UTRN: variants seen among roughly 807,000 people sequenced by gnomAD.
UTRN encodes the protein utrophin.
In UTRN, 283 loss-of-function variants were observed where a neutral mutation model predicts 463.9. That is an observed-to-expected ratio of 0.61 (90% CI 0.55 to 0.67). The LOEUF (loss-of-function observed/expected upper bound fraction) is 0.67, where lower values mean the gene tolerates loss of function less well. Ranked by LOEUF, UTRN falls within the 30% of genes least tolerant of loss-of-function variation. The pLI is 0.00. For missense variants in UTRN, 3,922 were observed against 4,084.3 expected (o/e 0.96, Z 1.08); for synonymous variants, 1,442 against 1,431.5 (o/e 1.01, Z -0.17).
At chr6:144,480,024 C>A in intron 26 of UTRN, 42 bp downstream of exon 26, 1 of 1,588,030 alleles carries the variant, frequency 6.3e-7, no homozygotes, top group Non-Finnish European at 8.6e-7. Context: ...TCATGCCTCC[C>A]TCCTCCCTTT....
intron 2 of UTRN, among the ~76,000 whole-genome samples, chr6:144,336,739 T>C (rs1016309867): frequency 6.6e-6 from 1 of 152,102 alleles, no homozygotes; most frequent in African/African-American, 2.4e-5. Context: ...AAAGTAATAT[T>C]TTAAAATTCC....
At chr6:144,472,872 A>G (rs994363629) in intron 23 of UTRN, among the ~76,000 whole-genome samples, 2 of 150,486 alleles carry the variant, frequency 1.3e-5, no homozygotes, top group Non-Finnish European at 2.9e-5. Context: ...GTTTCAAGCT[A>G]TTCTCCTGCC....
At position 144,748,430 on chromosome 6, in the gene UTRN, G is replaced by C; in HGVS notation, c.8124G>C (p.Lys2708Asn). The change falls in exon 55 of 75, where the codon AAG (lysine) becomes AAC (asparagine). Residue 2708 changes from lysine to asparagine, a missense_variant. Lys to Asn is a moderately conservative substitution (Grantham distance 94). Transcript: ENST00000367545. ...GAMDDLDADM[K>N]EAESVRNGWK... ...TGGATGACCTGGACGCTGACATGAA[G>C]GAGGCAGAGTCCGTGCGGAATGGCT... 6.2e-7 allele frequency: 1 copy of C among 1,613,984 alleles called. No individual in the cohort carries two copies. The highest frequency in any genetic ancestry group is 1.7e-5 in the Admixed American group (1 of 60,012).
At chr6:144,479,446 C>T (rs1391098899) in intron 25 of UTRN, among the ~76,000 whole-genome samples, 2 of 151,928 alleles carry the variant, frequency 1.3e-5, no homozygotes, top group African/African-American at 2.4e-5. Context: ...TTTTTGCTTT[C>T]TTTTTTCTTT....
intron 2 of UTRN, 52 bp downstream of exon 2, chr6:144,291,959 CTA>C (rs1356105516): frequency 1.9e-6 from 3 of 1,555,730 alleles, no homozygotes; most frequent in Non-Finnish European, 2.6e-6. Flanking sequence ...TTTAGAAAAC[CTA>C]TGTTTCTTGG....
intron 58 of UTRN, among the ~76,000 whole-genome samples, chr6:144,759,800 A>G (rs1792444266): frequency 6.6e-6 from 1 of 152,200 alleles, no homozygotes; most frequent in African/African-American, 2.4e-5. Flanking sequence ...TAGAACCTCC[A>G]GAGAAGGAAT....
At chr6:144,833,240 T>C (rs1780823848) in intron 69 of UTRN, among the ~76,000 whole-genome samples, 1 of 152,220 alleles carries the variant, frequency 6.6e-6, no homozygotes, top group South Asian at 2.1e-4. Context: ...TTCTTTCATA[T>C]GCTATGTGGA....
intron 21 of UTRN, among the ~76,000 whole-genome samples, chr6:144,460,170 C>T (rs1197275466): frequency 6.6e-6 from 1 of 152,072 alleles, no homozygotes. Context: ...AAATCATATT[C>T]CACTGTCAGA....
chr6:144,388,714 A>G (rs1354704474), intron 2 of UTRN, among the ~76,000 whole-genome samples: 1 of 152,070 alleles, frequency 6.6e-6, no homozygotes, highest in African/African-American at 2.4e-5. Context: ...AGGTTTTGCC[A>G]TGTTGCCCAG....
chr6:144,315,375 C>T (rs566765742), intron 2 of UTRN, among the ~76,000 whole-genome samples: 58 of 152,172 alleles, frequency 3.8e-4, no homozygotes, highest in Non-Finnish European at 5.9e-4. Context: ...GCAGTGTGGG[C>T]AGCACTGTGG....
At chr6:144,583,631 G>A in intron 51 of UTRN, 1 of 616,434 alleles carries the variant, frequency 1.6e-6, no homozygotes, top group Non-Finnish European at 3.0e-6. Context: ...AAGGATCTCG[G>A]GTGTCTGACA....
At chr6:144,489,471 T>C (rs1431456771) in intron 30 of UTRN, among the ~76,000 whole-genome samples, 1 of 152,044 alleles carries the variant, frequency 6.6e-6, no homozygotes, top group Admixed American at 6.6e-5. Flanking sequence ...ATATTTTAAA[T>C]TGTAGTTTTC....
At chr6:144,759,129 C>T (rs551029559) in intron 58 of UTRN, among the ~76,000 whole-genome samples, 7 of 152,028 alleles carry the variant, frequency 4.6e-5, no homozygotes, top group African/African-American at 7.2e-5. Flanking sequence ...AAGCAATATA[C>T]GTTACATTAG....
At position 144,426,444 on chromosome 6, in the gene UTRN, T is replaced by C; in HGVS notation, c.563T>C (p.Val188Ala). ...ACAGATGGACTCGCCTTTAATGCTGTCCTCCACCGACATAAGTGAGACATT... is the reference window on the plus strand; with the variant it reads ...ACAGATGGACTCGCCTTTAATGCTGCCCTCCACCGACATAAGTGAGACATT... The part of the protein sequence containing the change: ...SWTDGLAFNA[V>A]LHRHKPDLFS... Residue 188 changes from valine (V) to alanine (A), a missense_variant, in exon 7 of 75, where the codon GTC (valine) becomes GCC (alanine). By Grantham distance (64) the Val-to-Ala change is moderately conservative. Coordinates refer to ENST00000367545, the MANE Select transcript of UTRN (RefSeq NM_007124.3). 2 of 1,613,732 alleles carry C rather than the reference T, an allele frequency of 1.2e-6. No individual in the cohort carries two copies. The highest frequency in any genetic ancestry group is 1.7e-6 in the Non-Finnish European group (2 of 1,179,852).
chr6:144,305,995 A>G (rs1386699112), intron 2 of UTRN, among the ~76,000 whole-genome samples: 2 of 152,230 alleles, frequency 1.3e-5, no homozygotes, highest in Non-Finnish European at 2.9e-5. Context: ...ATTAAATAAA[A>G]AAAGCTTCCA....
At chr6:144,346,660 T>C (rs907258361) in intron 2 of UTRN, among the ~76,000 whole-genome samples, 2 of 152,086 alleles carry the variant, frequency 1.3e-5, no homozygotes, top group African/African-American at 4.8e-5. Context: ...TCGTCTCTAC[T>C]AAAAATACAA....
intron 52 of UTRN, among the ~76,000 whole-genome samples, chr6:144,684,202 A>C (rs973967842): frequency 6.6e-5 from 10 of 151,982 alleles, no homozygotes; most frequent in African/African-American, 9.7e-5. Flanking sequence ...GGTGGCTGCC[A>C]CCACACCCAA....
At chr6:144,823,162 T>A (rs1779747748) in intron 66 of UTRN, among the ~76,000 whole-genome samples, 1 of 152,126 alleles carries the variant, frequency 6.6e-6, no homozygotes, top group Non-Finnish European at 1.5e-5. Flanking sequence ...AATGAATTTA[T>A]GAGCATTTTT....
chr6:144,807,185 A>G (rs1778225527), intron 65 of UTRN, among the ~76,000 whole-genome samples: 1 of 152,154 alleles, frequency 6.6e-6, no homozygotes, highest in South Asian at 2.1e-4. Context: ...TTCCTTTTCA[A>G]AGTCCTTTAC....
Sources: allele counts gnomAD v4.1 joint callset (sites outside exome capture counted in the v4.1 genomes callset), GRCh38; gene constraint gnomAD v4.1.1; transcripts MANE v1.5; gene names NCBI Gene and HGNC (gene_info 2026-07-23, HGNC 2026-07-21).